The following BRINP3 variants were observed in gnomAD, a reference collection of about 807,000 sequenced individuals.
BRINP3 encodes BMP/retinoic acid-inducible neural-specific protein 3.
A neutral mutation model predicts 71.0 loss-of-function variants in BRINP3; 19 were observed. That is an observed-to-expected ratio of 0.27 (90% CI 0.19 to 0.39). The LOEUF (loss-of-function observed/expected upper bound fraction) is 0.39, where lower values mean the gene tolerates loss of function less well. BRINP3 is among the 10% of genes least tolerant of loss of function. The pLI, the probability that BRINP3 is intolerant of heterozygous loss-of-function variation, is 1.00. For synonymous variants in BRINP3, 380 were observed against 337.7 expected (o/e 1.13, Z -1.37); for missense variants, 959 against 940.8 (o/e 1.02, Z -0.25).
At chr1:190,271,911 GAT>G (rs1168955947) in intron 3 of BRINP3, among the ~76,000 whole-genome samples, 2 of 151,498 alleles carry the variant, frequency 1.3e-5, no homozygotes, top group East Asian at 3.9e-4. Flanking sequence ...GTTGTCCTAT[GAT>G]ACAACTGGAA....
In BRINP3 at chr1:190,098,974, A is replaced by G. The variant is rs747936905; in HGVS notation, c.1345T>C (p.Cys449Arg). 1 of 1,614,174 alleles carries G rather than the reference A, an allele frequency of 6.2e-7. No individual in the cohort carries two copies. Residue 449 changes from cysteine (C) to arginine (R), a missense_variant, in exon 8 of 8, where the codon TGC becomes CGC. Cys to Arg is a radical substitution (Grantham distance 180, BLOSUM62 -3). Coordinates refer to ENST00000367462, the MANE Select transcript of BRINP3 (RefSeq NM_199051.3). ...LPCTVGDASA[C>R]LTCAPDNRTR... ...CGGTTGTCTGGTGCGCATGTCAGGC[A>G]GGCAGAGGCGTCTCCCACTGTGCAG...
At chr1:190,144,910 C>A (rs1335102397) in intron 7 of BRINP3, among the ~76,000 whole-genome samples, 2 of 152,126 alleles carry the variant, frequency 1.3e-5, no homozygotes, top group Non-Finnish European at 2.9e-5. Context: ...TTCACTTCTC[C>A]AGATATACAT....
At chr1:190,300,059 T>C (rs756568366) in intron 2 of BRINP3, among the ~76,000 whole-genome samples, 1 of 152,086 alleles carries the variant, frequency 6.6e-6, no homozygotes, top group Non-Finnish European at 1.5e-5. Context: ...AGTATCTTTG[T>C]GGCGTTCTCT....
chr1:190,113,453 A>G (rs188118443), intron 7 of BRINP3, among the ~76,000 whole-genome samples: 11 of 152,268 alleles, frequency 7.2e-5, no homozygotes, highest in Admixed American at 2.6e-4. Flanking sequence ...AAGTCAGTCC[A>G]TTTAAAATAC....
At chr1:190,306,061 A>G (rs974674228) in intron 2 of BRINP3, among the ~76,000 whole-genome samples, 5 of 151,910 alleles carry the variant, frequency 3.3e-5, no homozygotes, top group African/African-American at 1.2e-4. Context: ...AATGATAACT[A>G]TATTCAGCCA....
chr1:190,249,401 A>G (rs958355436), intron 4 of BRINP3, among the ~76,000 whole-genome samples: 1 of 151,852 alleles, frequency 6.6e-6, no homozygotes, highest in African/African-American at 2.4e-5. Flanking sequence ...TACTATGTAT[A>G]CATTTTGCTT....
Position 190,275,692 on chromosome 1 carries a change from G to T in BRINP3, c.427+5868C>A, listed in dbSNP as rs964839131. Among the ~76,000 whole-genome samples, 6 of 151,480 alleles carry T rather than the reference G, an allele frequency of 4.0e-5. No homozygotes were observed. The Admixed American group carries it at 4.0e-4, about 10-fold the overall frequency. On this transcript the variant is annotated intron_variant, in intron 3 of 7. Coordinates refer to ENST00000367462, the MANE Select transcript of BRINP3 (RefSeq NM_199051.3). ...TACCTTATCAATGTGCTATATAAAAGAACCAGAAAAAATATAATAAAATGT... is the reference window on the plus strand; with the variant it reads ...TACCTTATCAATGTGCTATATAAAATAACCAGAAAAAATATAATAAAATGT...
chr1:190,391,040 GCAGGATT>G (rs1462117038), intron 2 of BRINP3, among the ~76,000 whole-genome samples: 1 of 151,834 alleles, frequency 6.6e-6, no homozygotes, highest in Non-Finnish European at 1.5e-5. Context: ...CATGAGATTT[GCAGGATT>G]CAGGGACCCC....
intron 2 of BRINP3, among the ~76,000 whole-genome samples, chr1:190,405,481 A>AAAAAC (rs1672216690): frequency 2.2e-5 from 2 of 89,832 alleles, no homozygotes; most frequent in Admixed American, 2.1e-4. Context: ...AAAAAAAAAA[A>AAAAAC]AAAAAAAAAA....
chr1:190,113,074 T>C (rs1339184288), intron 7 of BRINP3, among the ~76,000 whole-genome samples: 1 of 152,176 alleles, frequency 6.6e-6, no homozygotes. Context: ...CTACACAGTG[T>C]ATATGCATAT....
At chr1:190,459,949 C>T (rs535282258) in intron 1 of BRINP3, among the ~76,000 whole-genome samples, 1 of 151,206 alleles carries the variant, frequency 6.6e-6, no homozygotes, top group Non-Finnish European at 1.5e-5. Context: ...TTTCTCTTTC[C>T]CTGTCTCTCT....
intron 2 of BRINP3, among the ~76,000 whole-genome samples, chr1:190,319,368 C>T (rs2103046017): frequency 6.6e-6 from 1 of 152,178 alleles, no homozygotes; most frequent in South Asian, 2.1e-4. Flanking sequence ...TGTGTTATAG[C>T]TCTTATCCCA....
chr1:190,460,452 A>C (rs2102657068), intron 1 of BRINP3, among the ~76,000 whole-genome samples: 1 of 152,194 alleles, frequency 6.6e-6, no homozygotes, highest in East Asian at 1.9e-4. Context: ...TTTTAACATA[A>C]ATTTTCAATA....
At chr1:190,193,138 T>A (rs144305243) in intron 6 of BRINP3, among the ~76,000 whole-genome samples, 361 of 152,202 alleles carry the variant, frequency 2.4e-3, no homozygotes, top group African/African-American at 8.4e-3. Flanking sequence ...CTGAAAATCC[T>A]GAGTGGAATG....
chr1:190,361,644 C>T (rs1337170483), intron 2 of BRINP3, among the ~76,000 whole-genome samples: 3 of 152,150 alleles, frequency 2.0e-5, no homozygotes, highest in Admixed American at 1.3e-4. Flanking sequence ...CCTCGTGATC[C>T]GCCCACCTTG....
At chr1:190,325,807 A>C (rs1666543666) in intron 2 of BRINP3, among the ~76,000 whole-genome samples, 1 of 152,116 alleles carries the variant, frequency 6.6e-6, no homozygotes, top group Admixed American at 6.6e-5. Flanking sequence ...GCATGTACAT[A>C]ACAATTATAA....
intron 6 of BRINP3, among the ~76,000 whole-genome samples, chr1:190,219,544 A>G (rs897382535): frequency 5.3e-5 from 8 of 152,088 alleles, no homozygotes; most frequent in African/African-American, 1.9e-4. Context: ...GGCTATTTGA[A>G]AATACATAGT....
intron 6 of BRINP3, among the ~76,000 whole-genome samples, chr1:190,177,832 CA>C (rs1469584910): frequency 1.1e-4 from 16 of 152,134 alleles, no homozygotes; most frequent in Non-Finnish European, 1.0e-4. Flanking sequence ...CTGTGTTCCA[CA>C]ACTGTGGATT....
intron 7 of BRINP3, among the ~76,000 whole-genome samples, chr1:190,107,787 T>C (rs1456380614): frequency 6.6e-6 from 1 of 152,006 alleles, no homozygotes; most frequent in Admixed American, 6.6e-5. Context: ...CCTCGACTTA[T>C]GTTGGCGAGA....
Sources: gnomAD v4.1 joint callset for allele counts (sites outside exome capture counted in the v4.1 genomes callset) on GRCh38, gnomAD v4.1.1 for gene constraint, MANE v1.5 for transcripts, NCBI Gene and HGNC (gene_info 2026-07-23, HGNC 2026-07-21) for gene names.